The following CNTN5 variants were observed in gnomAD, a reference collection of about 807,000 sequenced individuals.
CNTN5 encodes contactin 5.
In CNTN5, 77 loss-of-function variants were observed where a neutral mutation model predicts 129.1. The observed-to-expected ratio is 0.60, with a 90% CI of 0.50 to 0.72. The LOEUF is 0.72. Ranked by LOEUF, CNTN5 falls within the 30% of genes least tolerant of loss-of-function variation. The pLI is 0.00. For missense variants in CNTN5, 1,478 were observed against 1,328.8 expected (o/e 1.11, Z -1.75); for synonymous variants, 509 against 465.6 (o/e 1.09, Z -1.20).
intron 3 of CNTN5, among the ~76,000 whole-genome samples, chr11:99,568,973 G>A (rs1054242507): frequency 6.6e-6 from 1 of 152,030 alleles, no homozygotes; most frequent in African/African-American, 2.4e-5. Flanking sequence ...ACTGAAATTT[G>A]TCAGAGCACT....
intron 1 of CNTN5, among the ~76,000 whole-genome samples, chr11:99,314,974 C>T (rs1419218322): frequency 4.0e-5 from 6 of 148,828 alleles, no homozygotes; most frequent in Non-Finnish European, 4.5e-5. Context: ...GGGGTGTTGA[C>T]ATTCTGTGTT....
At chr11:99,151,506 C>T (rs947239157) in intron 1 of CNTN5, among the ~76,000 whole-genome samples, 2 of 152,008 alleles carry the variant, frequency 1.3e-5, no homozygotes, top group Non-Finnish European at 2.9e-5. Context: ...AATTTGTAGC[C>T]ATGAGTATAT....
intron 15 of CNTN5, among the ~76,000 whole-genome samples, chr11:100,195,576 A>T (rs959759799): frequency 6.6e-6 from 1 of 151,330 alleles, no homozygotes; most frequent in Non-Finnish European, 1.5e-5. Flanking sequence ...TGGATTAGAG[A>T]CAGTAACAAT....
intron 9 of CNTN5, among the ~76,000 whole-genome samples, chr11:100,037,327 C>T (rs1353638941): frequency 7.2e-5 from 11 of 151,834 alleles, no homozygotes; most frequent in Admixed American, 7.2e-4. Flanking sequence ...CCCACTTGAT[C>T]TTGGTGGATA....
At chr11:100,200,265 T>G (rs546703147) in intron 15 of CNTN5, among the ~76,000 whole-genome samples, 6 of 152,012 alleles carry the variant, frequency 3.9e-5, no homozygotes, top group Non-Finnish European at 7.4e-5. Flanking sequence ...TAGCAAAATG[T>G]GAAGTGCGTC....
At chr11:99,178,520 T>TA (rs892199322) in intron 1 of CNTN5, among the ~76,000 whole-genome samples, 6 of 150,766 alleles carry the variant, frequency 4.0e-5, no homozygotes, top group African/African-American at 1.5e-4. Context: ...GACCTTGTCT[T>TA]AAAAAAAAGA....
intron 9 of CNTN5, among the ~76,000 whole-genome samples, chr11:100,014,410 G>C (rs1358543159): frequency 6.6e-6 from 1 of 151,590 alleles, no homozygotes; most frequent in African/African-American, 2.4e-5. Context: ...ATTATTATTG[G>C]ACAAATTTGG....
chr11:99,351,337 A>G (rs1938284291), intron 2 of CNTN5, among the ~76,000 whole-genome samples: 1 of 152,200 alleles, frequency 6.6e-6, no homozygotes, highest in Non-Finnish European at 1.5e-5. Context: ...GTAGATACAG[A>G]CACTAATGCT....
In CNTN5 at chr11:99,947,345, G is replaced by T. The variant is rs189946427; in HGVS notation, c.674-9461G>T. ...AGATAAATATGTGTTTTATGATTAG[G>T]TTTTTTTTTTTTTTAAACAGGTGAG... On this transcript the variant is annotated intron_variant, in intron 7 of 24. Transcript: ENST00000524871. Among the ~76,000 whole-genome samples, 1,286 of 145,660 alleles carry T rather than the reference G, an allele frequency of 8.8e-3. 27 individuals are homozygous for T. The highest frequency in any genetic ancestry group is 0.051 in the East Asian group (257 of 5,004).
chr11:99,462,760 A>T (rs915187962), intron 2 of CNTN5, among the ~76,000 whole-genome samples: 6 of 152,150 alleles, frequency 3.9e-5, no homozygotes, highest in South Asian at 2.1e-4. Flanking sequence ...GTAGATTAGG[A>T]CTGCAGGAGT....
intron 3 of CNTN5, among the ~76,000 whole-genome samples, chr11:99,720,141 T>A (rs554328582): frequency 6.6e-6 from 1 of 152,100 alleles, no homozygotes; most frequent in Non-Finnish European, 1.5e-5. Flanking sequence ...TTTCAAAAAA[T>A]TGAGGAGGAG....
chr11:99,726,237 C>G (rs1182711255), intron 3 of CNTN5, among the ~76,000 whole-genome samples: 1 of 152,174 alleles, frequency 6.6e-6, no homozygotes, highest in East Asian at 1.9e-4. Context: ...GGAAACAGAA[C>G]AGGAAGTTAC....
At chr11:99,223,235 A>G (rs1326773622) in intron 1 of CNTN5, among the ~76,000 whole-genome samples, 1 of 152,146 alleles carries the variant, frequency 6.6e-6, no homozygotes, top group Non-Finnish European at 1.5e-5. Context: ...AAAAACATGG[A>G]TTCTTCTTCA....
At chr11:99,075,026 T>G (rs1865505524) in intron 1 of CNTN5, among the ~76,000 whole-genome samples, 1 of 152,200 alleles carries the variant, frequency 6.6e-6, no homozygotes, top group African/African-American at 2.4e-5. Context: ...TCTGTATATA[T>G]GTTCAAGAGA....
chr11:99,874,042 T>C (rs909517172), intron 6 of CNTN5, among the ~76,000 whole-genome samples: 2 of 152,008 alleles, frequency 1.3e-5, no homozygotes, highest in African/African-American at 4.8e-5. Flanking sequence ...ATAGAAAGAA[T>C]AGGCTCTGGG....
chr11:100,219,552 C>T (rs1430454129), intron 15 of CNTN5, among the ~76,000 whole-genome samples: 5 of 152,182 alleles, frequency 3.3e-5, no homozygotes, highest in Admixed American at 2.0e-4. Flanking sequence ...TACCTTGTGG[C>T]TAGGGAAAAC....
intron 13 of CNTN5, among the ~76,000 whole-genome samples, chr11:100,151,563 C>A (rs1409946082): frequency 1.3e-5 from 2 of 152,090 alleles, no homozygotes; most frequent in African/African-American, 4.8e-5. Context: ...GGGCAAGCAA[C>A]CCGGTACATC....
intron 2 of CNTN5, among the ~76,000 whole-genome samples, chr11:99,492,990 T>G (rs561313219): frequency 6.4e-4 from 97 of 152,272 alleles, no homozygotes; most frequent in African/African-American, 2.2e-3. Context: ...ATGGACTCCT[T>G]TAAAGGAAGG....
chr11:99,877,088 G>A, intron 6 of CNTN5, among the ~76,000 whole-genome samples: 1 of 152,070 alleles, frequency 6.6e-6, no homozygotes, highest in East Asian at 1.9e-4. Context: ...GAGTTGAAAG[G>A]TTCATGGAAT....
Sources: gnomAD v4.1 joint callset for allele counts (sites outside exome capture counted in the v4.1 genomes callset) on GRCh38, gnomAD v4.1.1 for gene constraint, MANE v1.5 for transcripts, NCBI Gene and HGNC (gene_info 2026-07-23, HGNC 2026-07-21) for gene names.